ZNF521: variants seen among roughly 807,000 people sequenced by gnomAD.
ZNF521 encodes LYST-interacting protein 3.
ZNF521 carries 14 observed loss-of-function variants against 105.5 expected under a neutral mutation model. The ratio of observed to expected loss-of-function variants is 0.13; its 90% CI spans 0.09 to 0.21. The LOEUF (loss-of-function observed/expected upper bound fraction) is 0.21, where lower values mean the gene tolerates loss of function less well. Ranked by LOEUF, ZNF521 falls within the 10% of genes least tolerant of loss-of-function variation. The pLI is 1.00. For synonymous variants in ZNF521, 635 were observed against 606.0 expected, an observed-to-expected ratio of 1.05 and a Z score of -0.70; for missense variants, 1,233 against 1,629.7, an observed-to-expected ratio of 0.76 and a Z score of 4.19.
rs552431468 is a variant in ZNF521, at chr18:25,338,482, G to A, written c.40+12425C>T. On this transcript the variant is annotated intron_variant, in intron 2 of 7. Transcript: ENST00000361524. ...GGTTGGAGTGCAGTGGCGTGATCTC[G>A]ACTCACTGCAACCTCCACCTCCCAG... Among the ~76,000 whole-genome samples the A allele has an allele frequency of 6.0e-4, 91 of 151,870 alleles. 1 individual carries two copies. Among genetic ancestry groups the A allele is most frequent in the Middle Eastern group, 3.4e-3 (1 of 292 alleles).
At chr18:25,081,720 G>T (rs1416279579) in intron 7 of ZNF521, among the ~76,000 whole-genome samples, 1 of 152,108 alleles carries the variant, frequency 6.6e-6, no homozygotes, top group Admixed American at 6.6e-5. Flanking sequence ...TTAATTTCTA[G>T]ATGCAATTTT....
intron 3 of ZNF521, among the ~76,000 whole-genome samples, chr18:25,292,642 C>G (rs1467823106): frequency 6.6e-6 from 1 of 152,180 alleles, no homozygotes; most frequent in Non-Finnish European, 1.5e-5. Flanking sequence ...TAGTGGAAAG[C>G]AAAACGTTAT....
At chr18:25,310,837 C>T (rs1410273185) in intron 3 of ZNF521, among the ~76,000 whole-genome samples, 2 of 152,044 alleles carry the variant, frequency 1.3e-5, no homozygotes, top group Non-Finnish European at 1.5e-5. Flanking sequence ...CGAATGTTTC[C>T]TTACCCTTTT....
chr18:25,081,255 C>T (rs1392730719), intron 7 of ZNF521, among the ~76,000 whole-genome samples: 1 of 152,016 alleles, frequency 6.6e-6, no homozygotes, highest in Non-Finnish European at 1.5e-5. Flanking sequence ...CTGGGCCAGA[C>T]AAAAAAATAA....
chr18:25,099,949 G>A (rs1311508498), intron 5 of ZNF521, among the ~76,000 whole-genome samples: 1 of 152,206 alleles, frequency 6.6e-6, no homozygotes, highest in Non-Finnish European at 1.5e-5. Context: ...AACTGAGACA[G>A]TGCAAGAGTC....
At chr18:25,294,853 CAAAAAAAAAAAAA>C (rs34529787) in intron 3 of ZNF521, among the ~76,000 whole-genome samples, 68 of 59,534 alleles carry the variant, frequency 1.1e-3, no homozygotes, top group Admixed American at 1.8e-3. Context: ...GATTCTGTCT[CAAAAAAAAAAAAA>C]AAAAAAAAAA....
Position 25,191,259 on chromosome 18 carries a change from T to C in ZNF521, c.3658+3901A>G, listed in dbSNP as rs148800336. On this transcript the variant is annotated intron_variant, in intron 5 of 7. Coordinates refer to ENST00000361524, the MANE Select transcript of ZNF521 (RefSeq NM_015461.3). The stretch of plus-strand genomic sequence containing the variant: ...AATCCTTATGTAAATGGCTTGTACC[T>C]ATTCCATTCATTTTCTCCATCCATG... Among the ~76,000 whole-genome samples, 489 of 152,296 alleles carry C rather than the reference T, an allele frequency of 3.2e-3. 2 individuals carry two copies. Among genetic ancestry groups the C allele is most frequent in the African/African-American group, 0.011 (463 of 41,576 alleles).
At chr18:25,295,256 C>T (rs1483159287) in intron 3 of ZNF521, among the ~76,000 whole-genome samples, 1 of 152,150 alleles carries the variant, frequency 6.6e-6, no homozygotes, top group African/African-American at 2.4e-5. Flanking sequence ...TGGTTCCATA[C>T]TGTATGTATT....
rs7237505 is a variant in ZNF521 at position 25,317,905 on chromosome 18, G to A, written c.220+4103C>T. On this transcript the variant is annotated intron_variant, in intron 3 of 7. Transcript: ENST00000361524. ...GGAGTTTTTGAAAAAGGGTTTGGAAGTTTCTAATAGAGATTAAACATATCA... is the reference window on the plus strand; with the variant it reads ...GGAGTTTTTGAAAAAGGGTTTGGAAATTTCTAATAGAGATTAAACATATCA... Among the ~76,000 whole-genome samples the A allele has an allele frequency of 3.0e-3, 457 of 152,242 alleles. 5 individuals are homozygous for A. The highest frequency in any genetic ancestry group is 9.3e-3 in the African/African-American group (388 of 41,546).
At chr18:25,264,878 T>C (rs1489954557) in intron 3 of ZNF521, among the ~76,000 whole-genome samples, 2 of 150,822 alleles carry the variant, frequency 1.3e-5, no homozygotes, top group Admixed American at 1.3e-4. Context: ...GTGGACACCA[T>C]GAAAAGGAAA....
intron 5 of ZNF521, among the ~76,000 whole-genome samples, chr18:25,094,859 G>A (rs1230451403): frequency 1.3e-5 from 2 of 152,034 alleles, no homozygotes; most frequent in African/African-American, 4.8e-5. Context: ...AAGAGAGATA[G>A]TAACACAAAA....
In ZNF521 at chr18:25,263,244, G is replaced by A. The variant is rs560621168; in HGVS notation, c.221-35547C>T. ...AAATTTAGCTCCCAGTGCCTGGCAC[G>A]TGGGAGACACTAATTTCATCCATCC... On this transcript the variant is annotated intron_variant, in intron 3 of 7. Coordinates refer to ENST00000361524, the MANE Select transcript of ZNF521 (RefSeq NM_015461.3). Among the ~76,000 whole-genome samples the A allele has an allele frequency of 9.9e-5, 15 of 152,190 alleles. No homozygotes were observed. In the East Asian group the frequency reaches 1.4e-3, roughly 14 times the overall value.
intron 2 of ZNF521, among the ~76,000 whole-genome samples, chr18:25,349,614 G>A (rs372682366): frequency 6.6e-6 from 1 of 152,030 alleles, no homozygotes; most frequent in Non-Finnish European, 1.5e-5. Flanking sequence ...CGGGAGGCGT[G>A]GGGCGCCGGG....
chr18:25,277,388 A>G (rs987700456), intron 3 of ZNF521, among the ~76,000 whole-genome samples: 1 of 152,128 alleles, frequency 6.6e-6, no homozygotes, highest in Non-Finnish European at 1.5e-5. Context: ...CATATATAGG[A>G]AGTAAGAGAA....
At chr18:25,110,306 G>A (rs1291039389) in intron 5 of ZNF521, among the ~76,000 whole-genome samples, 1 of 152,246 alleles carries the variant, frequency 6.6e-6, no homozygotes, top group Non-Finnish European at 1.5e-5. Flanking sequence ...GGACTGAGGA[G>A]GTGAGGAGAG....
chr18:25,073,847 A>G (rs755020626), intron 7 of ZNF521, among the ~76,000 whole-genome samples: 2 of 152,116 alleles, frequency 1.3e-5, no homozygotes, highest in South Asian at 2.1e-4. Flanking sequence ...TAAGTCAAAC[A>G]TGTTATAAAT....
intron 5 of ZNF521, among the ~76,000 whole-genome samples, chr18:25,113,761 G>GACGGACACACACACACACACACCC (rs35914509): frequency 9.8e-6 from 1 of 101,690 alleles, no homozygotes; most frequent in Non-Finnish European, 2.0e-5. Context: ...AGGACGGACG[G>GACGGACACACACACACACACACCC]ACACACACAC....
At chr18:25,119,604 G>C (rs926990518) in intron 5 of ZNF521, among the ~76,000 whole-genome samples, 3 of 151,500 alleles carry the variant, frequency 2.0e-5, no homozygotes, top group Non-Finnish European at 3.0e-5. Flanking sequence ...AATCACAAGG[G>C]AAATTAGAAT....
intron 3 of ZNF521, among the ~76,000 whole-genome samples, chr18:25,281,109 T>C (rs1368044243): frequency 3.9e-5 from 6 of 152,326 alleles, no homozygotes; most frequent in Non-Finnish European, 7.4e-5. Flanking sequence ...TCCAGAGATA[T>C]ATAAATTAGT....
Sources: allele counts gnomAD v4.1 joint callset (sites outside exome capture counted in the v4.1 genomes callset), GRCh38; gene constraint gnomAD v4.1.1; transcripts MANE v1.5; gene names NCBI Gene and HGNC (gene_info 2026-07-23, HGNC 2026-07-21).